The following TRPC7 variants were observed in gnomAD, a reference collection of about 807,000 sequenced individuals.
TRPC7 encodes short transient receptor potential channel 7.
Under a neutral mutation model 90.1 loss-of-function variants are expected in TRPC7, and 42 were observed. That is an observed-to-expected ratio of 0.47 (90% CI 0.36 to 0.60). The LOEUF (loss-of-function observed/expected upper bound fraction) is 0.60. Among genes scored for constraint, TRPC7 ranks in the 20% least tolerant of loss-of-function variants. TRPC7 has a pLI of 0.00. For synonymous variants in TRPC7, 451 were observed against 436.3 expected, an observed-to-expected ratio of 1.03 and a Z score of -0.42; for missense variants, 955 against 1,112.3, an observed-to-expected ratio of 0.86 and a Z score of 2.01.
intron 2 of TRPC7, among the ~76,000 whole-genome samples, chr5:136,341,380 C>T (rs1431800926): frequency 6.6e-6 from 1 of 151,690 alleles, no homozygotes; most frequent in Non-Finnish European, 1.5e-5. Flanking sequence ...CAGTTGGGAA[C>T]TGAATGTGGG....
At chr5:136,266,590 A>G (rs1561694095) in intron 4 of TRPC7, among the ~76,000 whole-genome samples, 154 bp from the exon 5 acceptor site, 1 of 152,160 alleles carries the variant, frequency 6.6e-6, no homozygotes, top group African/African-American at 2.4e-5. Context: ...TTCTTGAACT[A>G]TTATGTGAGA....
chr5:136,323,212 G>A (rs567092555), intron 2 of TRPC7, among the ~76,000 whole-genome samples: 5 of 152,312 alleles, frequency 3.3e-5, no homozygotes, highest in African/African-American at 7.2e-5. Context: ...CACGTGAGAC[G>A]TGCCTTTCAC....
intron 3 of TRPC7, among the ~76,000 whole-genome samples, chr5:136,300,451 A>G (rs963601701): frequency 6.6e-6 from 1 of 152,198 alleles, no homozygotes; most frequent in Non-Finnish European, 1.5e-5. Context: ...ACAGGGCCAC[A>G]CTGGAAGCTA....
At chr5:136,234,571 G>T (rs754807685) in intron 7 of TRPC7, among the ~76,000 whole-genome samples, 3 of 152,108 alleles carry the variant, frequency 2.0e-5, no homozygotes, top group Non-Finnish European at 4.4e-5. Flanking sequence ...GCCTCCCAAG[G>T]TGCTGGGATT....
intron 10 of TRPC7, among the ~76,000 whole-genome samples, chr5:136,224,098 G>A (rs554999987): frequency 6.6e-6 from 1 of 152,290 alleles, no homozygotes; most frequent in Admixed American, 6.5e-5. Context: ...AAAGATCTAA[G>A]TCTGTAATTC....
At chr5:136,241,115 C>T (rs184310038) in intron 7 of TRPC7, among the ~76,000 whole-genome samples, 13 of 152,260 alleles carry the variant, frequency 8.5e-5, no homozygotes, top group Admixed American at 7.8e-4. Context: ...GAATCAGTGC[C>T]TCCTGAATCC....
chr5:136,305,237 C>T (rs978748109), intron 3 of TRPC7, among the ~76,000 whole-genome samples: 2 of 152,094 alleles, frequency 1.3e-5, no homozygotes, highest in African/African-American at 4.8e-5. Context: ...ATATTCACCC[C>T]ATTTCCCCAT....
rs554067103 is a variant in TRPC7, at chr5:136,237,892, A to G, written c.1845-6343T>C. On this transcript the variant is annotated intron_variant, in intron 7 of 11. Transcript: ENST00000513104. ...TCAGAAAAGCCCTTGGAAAACAGAA[A>G]TCAGATCCTGCCCCTCTCTGTTAGT... is the stretch of plus-strand genomic sequence containing the variant. Among the ~76,000 whole-genome samples the G allele has an allele frequency of 9.2e-5, 14 of 152,340 alleles. No individual in the cohort carries two copies. In the East Asian group the frequency reaches 2.1e-3, roughly 23 times the overall value.
chr5:136,284,893 G>A (rs945642897), intron 3 of TRPC7, among the ~76,000 whole-genome samples: 1 of 152,216 alleles, frequency 6.6e-6, no homozygotes, highest in South Asian at 2.1e-4. Context: ...GCCTGTGACT[G>A]TGCCTGTGAC....
At chr5:136,347,909 G>A (rs1183437931) in intron 2 of TRPC7, among the ~76,000 whole-genome samples, 2 of 152,206 alleles carry the variant, frequency 1.3e-5, no homozygotes, top group East Asian at 3.9e-4. Flanking sequence ...AAGACAAAAC[G>A]GTGGTCCTGG....
At chr5:136,313,421 G>A (rs3086229) in intron 3 of TRPC7, among the ~76,000 whole-genome samples, 5,389 of 140,640 alleles carry the variant, frequency 0.038, 318 homozygotes, top group African/African-American at 0.13. Flanking sequence ...CTATCTATCT[G>A]TCTATCAAGT....
chr5:136,266,575 A>AT, intron 4 of TRPC7, 139 bp from the exon 5 acceptor site: 1 of 753,296 alleles, frequency 1.3e-6, no homozygotes, highest in East Asian at 2.7e-5. Flanking sequence ...CCCATACAAC[A>AT]TTTTTTCTTG....
chr5:136,338,924 A>G (rs1467553653), intron 2 of TRPC7, among the ~76,000 whole-genome samples: 1 of 152,240 alleles, frequency 6.6e-6, no homozygotes, highest in African/African-American at 2.4e-5. Context: ...AACCACAAAG[A>G]TAAATGAAAA....
chr5:136,363,097 A>G (rs1760618413), intron 1 of TRPC7, among the ~76,000 whole-genome samples: 1 of 152,166 alleles, frequency 6.6e-6, no homozygotes, highest in African/African-American at 2.4e-5. Context: ...AAGTAAAATC[A>G]GTTTCTAATT....
At chr5:136,363,242 A>G (rs952389283) in intron 1 of TRPC7, among the ~76,000 whole-genome samples, 18 of 152,144 alleles carry the variant, frequency 1.2e-4, no homozygotes, top group African/African-American at 3.1e-4. Context: ...AAATTTTTAC[A>G]TATTTCCCAA....
intron 2 of TRPC7, among the ~76,000 whole-genome samples, chr5:136,331,463 G>T (rs1319902047): frequency 1.3e-5 from 2 of 152,158 alleles, no homozygotes; most frequent in African/African-American, 4.8e-5. Flanking sequence ...ACACGTAGAT[G>T]ATAAAGGTCC....
chr5:136,258,515 A>G (rs1756756293), intron 5 of TRPC7, among the ~76,000 whole-genome samples: 1 of 152,076 alleles, frequency 6.6e-6, no homozygotes, highest in Admixed American at 6.5e-5. Flanking sequence ...TTCAGGCAAA[A>G]TTTCCCTCAC....
intron 3 of TRPC7, among the ~76,000 whole-genome samples, chr5:136,283,572 C>G (rs1228114078): frequency 1.3e-5 from 2 of 152,158 alleles, no homozygotes; most frequent in Non-Finnish European, 2.9e-5. Context: ...TAGCCTCCCA[C>G]TAAGGCAGGA....
At chr5:136,359,296 C>T (rs1760487357) in intron 1 of TRPC7, among the ~76,000 whole-genome samples, 1 of 152,060 alleles carries the variant, frequency 6.6e-6, no homozygotes, top group South Asian at 2.1e-4. Context: ...GGAAAAAGCT[C>T]CTAAATTATA....
Sources: gnomAD v4.1 joint callset for allele counts (sites outside exome capture counted in the v4.1 genomes callset) on GRCh38, gnomAD v4.1.1 for gene constraint, MANE v1.5 for transcripts, NCBI Gene and HGNC (gene_info 2026-07-23, HGNC 2026-07-21) for gene names.